The following NETO1 variants were observed in gnomAD, a reference collection of about 807,000 sequenced individuals.
NETO1 encodes the protein neuropilin and tolloid like 1.
Under a neutral mutation model 61.3 loss-of-function variants are expected in NETO1, and 26 were observed. That is an observed-to-expected ratio of 0.42 (90% CI 0.31 to 0.59). The LOEUF is 0.59. Ranked by LOEUF, NETO1 falls within the 20% of genes least tolerant of loss-of-function variation. The probability of loss-of-function intolerance (pLI) is 0.12; values close to 1 mark genes in which losing one functional copy is unlikely to be tolerated. For missense variants in NETO1, 531 were observed against 662.8 expected, an observed-to-expected ratio of 0.80 and a Z score of 2.18; for synonymous variants, 225 against 225.8, an observed-to-expected ratio of 1.00 and a Z score of 0.03.
At chr18:72,827,090 C>CTTTTTT (rs75038247) in intron 4 of NETO1, among the ~76,000 whole-genome samples, 2 of 142,738 alleles carry the variant, frequency 1.4e-5, no homozygotes, top group Non-Finnish European at 3.0e-5. Context: ...TCAATGCTTT[C>CTTTTTT]TTTTTTTTTT....
intron 4 of NETO1, among the ~76,000 whole-genome samples, chr18:72,841,069 C>T (rs531282371): frequency 6.6e-6 from 1 of 152,174 alleles, no homozygotes; most frequent in African/African-American, 2.4e-5. Flanking sequence ...GACTACTCTT[C>T]TTCTAGCTGC....
At position 72,772,793 on chromosome 18, in the gene NETO1, T is replaced by TCTCTCTCTCTCTCTC. The variant is rs1391807702; in HGVS notation, c.868+10884_868+10885insGAGAGAGAGAGAGAG. ...TATATATATACAGATCTCTATATAGTTCTCTCTCTCTCTCTCTCTCTCTCT... is the reference window on the plus strand; with the variant it reads ...TATATATATACAGATCTCTATATAGTCTCTCTCTCTCTCTCTCTCTCTCTCTCTCTCTCTCTCTCT... On this transcript the variant is annotated intron_variant, in intron 7 of 10. Coordinates refer to ENST00000327305, the MANE Select transcript of NETO1 (RefSeq NM_138966.5). Among the ~76,000 whole-genome samples, 62 of 58,956 alleles carry TCTCTCTCTCTCTCTC rather than the reference T, an allele frequency of 1.1e-3. 8 individuals carry two copies. Among genetic ancestry groups the TCTCTCTCTCTCTCTC allele is most frequent in the South Asian group, 1.9e-3 (2 of 1,046 alleles). 38.7% of individuals were successfully genotyped at this position (58,956 alleles called of 152,430 possible).
At chr18:72,849,270 C>T (rs998081275) in intron 4 of NETO1, among the ~76,000 whole-genome samples, 1 of 152,174 alleles carries the variant, frequency 6.6e-6, no homozygotes, top group Admixed American at 6.5e-5. Context: ...GGATATAATT[C>T]TACTAAGCTT....
chr18:72,778,162 C>T (rs561263210), intron 7 of NETO1, among the ~76,000 whole-genome samples: 4 of 152,284 alleles, frequency 2.6e-5, no homozygotes, highest in Admixed American at 6.5e-5. Flanking sequence ...ATTCTGTCCC[C>T]CTAAACACTG....
At chr18:72,831,922 A>G (rs2073594059) in intron 4 of NETO1, among the ~76,000 whole-genome samples, 2 of 151,722 alleles carry the variant, frequency 1.3e-5, no homozygotes, top group East Asian at 1.9e-4. Flanking sequence ...GTGCTTCAAT[A>G]TAAGTGTTGG....
intron 4 of NETO1, among the ~76,000 whole-genome samples, chr18:72,855,515 C>T (rs2145615789): frequency 6.6e-6 from 1 of 152,296 alleles, no homozygotes; most frequent in Admixed American, 6.5e-5. Flanking sequence ...TCCTTTAAGC[C>T]CATTTCTATT....
At chr18:72,760,530 T>C (rs1295039616) in intron 7 of NETO1, among the ~76,000 whole-genome samples, 1 of 152,176 alleles carries the variant, frequency 6.6e-6, no homozygotes, top group Non-Finnish European at 1.5e-5. Flanking sequence ...AAAGCAGGTT[T>C]ATAAGAGTGT....
rs557490404 is a variant in NETO1, at chr18:72,747,013, G to A, written c.*1166C>T. The A allele has an allele frequency of 6.6e-6, 1 of 151,974 alleles. No homozygotes were observed. The highest frequency in any genetic ancestry group is 2.4e-5 in the African/African-American group (1 of 41,532). The allele number at this position is 151,974 out of a possible 1,614,324, so 9.4% of individuals were successfully genotyped here. ...TGGTTTAATTCATAAAAGGGCTTGTGATTTTAAAGCAGTTTTAAAAAGAGT... is the reference window on the plus strand; with the variant it reads ...TGGTTTAATTCATAAAAGGGCTTGTAATTTTAAAGCAGTTTTAAAAAGAGT... On this transcript the variant is annotated 3_prime_UTR_variant, in exon 11 of 11. Coordinates refer to ENST00000327305, the MANE Select transcript of NETO1 (RefSeq NM_138966.5).
chr18:72,859,108 T>C (rs1003605969), intron 3 of NETO1, 34 bp from the exon 4 acceptor site: 1 of 1,540,800 alleles, frequency 6.5e-7, no homozygotes, highest in Non-Finnish European at 8.7e-7. Context: ...TAGGAGGTCA[T>C]TTCTTACATC....
intron 4 of NETO1, among the ~76,000 whole-genome samples, chr18:72,850,435 G>A (rs773820791): frequency 7.9e-5 from 12 of 152,050 alleles, no homozygotes; most frequent in Non-Finnish European, 1.6e-4. Context: ...AGAACACTAT[G>A]GGTTGTTTAT....
At chr18:72,789,097 T>A (rs1015489408) in intron 6 of NETO1, among the ~76,000 whole-genome samples, 22 of 152,106 alleles carry the variant, frequency 1.4e-4, no homozygotes, top group Non-Finnish European at 5.9e-5. Flanking sequence ...TGACCAGACA[T>A]GTCAGGTTTA....
intron 4 of NETO1, among the ~76,000 whole-genome samples, chr18:72,811,027 T>C (rs1217703483): frequency 6.6e-6 from 1 of 152,222 alleles, no homozygotes; most frequent in Non-Finnish European, 1.5e-5. Context: ...ATCAGAAAGA[T>C]ACCAAGAGCT....
intron 4 of NETO1, among the ~76,000 whole-genome samples, chr18:72,805,586 A>G (rs2072649022): frequency 6.6e-6 from 1 of 152,236 alleles, no homozygotes; most frequent in Non-Finnish European, 1.5e-5. Context: ...GAAAACAGGC[A>G]GCACAGAGAG....
intron 3 of NETO1, among the ~76,000 whole-genome samples, chr18:72,864,037 C>T (rs1200204562): frequency 1.3e-5 from 2 of 151,932 alleles, no homozygotes; most frequent in African/African-American, 2.4e-5. Context: ...TGGCCAACAT[C>T]GTGAAGTGCC....
chr18:72,750,789 G>A (rs925383501), intron 8 of NETO1, among the ~76,000 whole-genome samples, 169 bp from the exon 9 acceptor site: 2 of 148,960 alleles, frequency 1.3e-5, no homozygotes, highest in African/African-American at 2.5e-5. Flanking sequence ...ATAAATACAA[G>A]GTCTCGTTTT....
chr18:72,809,486 T>C (rs554447811), intron 4 of NETO1, among the ~76,000 whole-genome samples: 83 of 152,296 alleles, frequency 5.4e-4, no homozygotes, highest in Admixed American at 1.6e-3. Context: ...AAAGCAGTAG[T>C]ATTTGCACGT....
intron 4 of NETO1, among the ~76,000 whole-genome samples, chr18:72,832,616 C>G (rs575489061): frequency 1.5e-4 from 23 of 152,294 alleles, no homozygotes; most frequent in Middle Eastern, 3.4e-3. Context: ...TGTCTAAGTC[C>G]TGTTACACAA....
chr18:72,763,076 T>G (rs1360475774), intron 7 of NETO1, among the ~76,000 whole-genome samples: 1 of 152,196 alleles, frequency 6.6e-6, no homozygotes, highest in East Asian at 1.9e-4. Context: ...TAAAGGTTTT[T>G]AATTTATAAT....
At chr18:72,846,246 T>C (rs1012821934) in intron 4 of NETO1, among the ~76,000 whole-genome samples, 2 of 151,662 alleles carry the variant, frequency 1.3e-5, no homozygotes, top group Non-Finnish European at 2.9e-5. Context: ...GGCTCACACC[T>C]GGAATCCCAG....
Sources: gnomAD v4.1 joint callset for allele counts (sites outside exome capture counted in the v4.1 genomes callset) on GRCh38, gnomAD v4.1.1 for gene constraint, MANE v1.5 for transcripts, NCBI Gene and HGNC (gene_info 2026-07-23, HGNC 2026-07-21) for gene names.